The following PCDHGA11 variants were observed in gnomAD, a reference collection of about 807,000 sequenced individuals.
PCDHGA11 encodes protocadherin gamma subfamily A, 11, also known as protocadherin gamma-A11.
In PCDHGA11, 39 loss-of-function variants were observed where a neutral mutation model predicts 60.4. The observed-to-expected ratio is 0.65, with a 90% CI of 0.50 to 0.84. PCDHGA11 has a LOEUF of 0.84. Among genes scored for constraint, PCDHGA11 ranks in the 40% least tolerant of loss-of-function variants. PCDHGA11 has a pLI of 0.00. For synonymous variants in PCDHGA11, 533 were observed against 510.3 expected (o/e 1.04, Z -0.60); for missense variants, 1,165 against 1,197.7 (o/e 0.97, Z 0.40).
intron 1 of PCDHGA11, among the ~76,000 whole-genome samples, chr5:141,450,783 G>A (rs2879228): frequency 0.25 from 37,099 of 150,510 alleles, 4,810 homozygotes; most frequent in Admixed American, 0.32. Flanking sequence ...CACCGTGCCC[G>A]GACCTCATGA....
At chr5:141,433,256 C>G (rs760130587) in intron 1 of PCDHGA11, 2 of 1,385,666 alleles carry the variant, frequency 1.4e-6, no homozygotes, top group Non-Finnish European at 2.0e-6. Context: ...TGCAGCGGTA[C>G]GATCATAGCT....
At position 141,487,488 on chromosome 5, in the gene PCDHGA11, G is replaced by A; in HGVS notation, c.2434-7319G>A. ...GATGTGGGAGGCCACTCTCATGGCT[G>A]TACACCCTTGGCTTCTGCACCCACT... On this transcript the variant is annotated intron_variant, in intron 1 of 3. Transcript: ENST00000398587. This position sits in a 1 kb window ranked among gnomAD's most constrained non-coding sequence, Gnocchi z 5.0. The A allele has an allele frequency of 6.2e-7, 1 of 1,614,204 alleles. No homozygotes were observed. The highest frequency in any genetic ancestry group is 8.5e-7 in the Non-Finnish European group (1 of 1,180,038).
intron 1 of PCDHGA11, among the ~76,000 whole-genome samples, chr5:141,469,923 G>A (rs1251812588): frequency 1.3e-5 from 2 of 152,200 alleles, no homozygotes; most frequent in Non-Finnish European, 2.9e-5. Flanking sequence ...CCGAGGTCAG[G>A]AGTTTGAGAC....
intron 1 of PCDHGA11, among the ~76,000 whole-genome samples, chr5:141,434,692 A>G (rs891952554): frequency 8.5e-5 from 13 of 152,082 alleles, no homozygotes; most frequent in African/African-American, 2.4e-4. Flanking sequence ...CTTGCTGTTA[A>G]TAAATATGTG....
In PCDHGA11 at chr5:141,512,133, G is replaced by A. The variant is rs1394116556; in HGVS notation, c.*960G>A. ...CCACTACATAATAGGGCTCAGCCCA[G>A]GCAGCCAGCTTTGGGCTGAGCTAAC... On this transcript the variant is annotated 3_prime_UTR_variant, in exon 4 of 4. Coordinates refer to ENST00000398587, the MANE Select transcript of PCDHGA11 (RefSeq NM_018914.3). 3 of 152,708 alleles carry A rather than the reference G, an allele frequency of 2.0e-5. No homozygotes were observed. Among genetic ancestry groups the A allele is most frequent in the Non-Finnish European group, 2.9e-5 (2 of 68,102 alleles). 9.5% of individuals were successfully genotyped at this position (152,708 alleles called of 1,614,324 possible).
chr5:141,494,891 C>G, intron 2 of PCDHGA11, 26 bp downstream of exon 2: 1 of 1,614,098 alleles, frequency 6.2e-7, no homozygotes. Flanking sequence ...TCCAGCCCAC[C>G]CTCTTCTCTG....
chr5:141,491,284 A>C lies in PCDHGA11; in HGVS notation c.2434-3523A>C. ...AATGCCCAAATCCAGTGACTTCCTC[A>C]TACACCCTCCTGAGCGTTCAGACCT... On this transcript the variant is annotated intron_variant, in intron 1 of 3. Transcript: ENST00000398587. The surrounding 1 kb of genome is among the most constrained non-coding windows in gnomAD (Gnocchi z 6.9). 1.2e-6 allele frequency: 2 copies of C among 1,614,128 alleles called. No homozygotes were observed. The highest frequency in any genetic ancestry group is 1.7e-6 in the Non-Finnish European group (2 of 1,179,978).
chr5:141,449,537 C>T (rs1377909573), intron 1 of PCDHGA11, among the ~76,000 whole-genome samples: 1 of 146,330 alleles, frequency 6.8e-6, no homozygotes, highest in Non-Finnish European at 1.5e-5. Flanking sequence ...TGCAGTGAGC[C>T]GAGATCGCAC....
chr5:141,499,682 C>T, intron 2 of PCDHGA11, among the ~76,000 whole-genome samples: 1 of 148,196 alleles, frequency 6.7e-6, no homozygotes, highest in South Asian at 2.1e-4. Flanking sequence ...CCATCTTTAA[C>T]AGATGACTTT....
intron 3 of PCDHGA11, chr5:141,508,084 T>A (rs1422530110): frequency 6.6e-6 from 1 of 152,432 alleles, no homozygotes; most frequent in East Asian, 1.9e-4. Flanking sequence ...CTGGAGTTGC[T>A]GCCTTGGCCC....
chr5:141,432,569 C>T lies in PCDHGA11; in HGVS notation c.2433+8909C>T. The T allele has an allele frequency of 6.2e-7, 1 of 1,613,920 alleles. No homozygotes were observed. On this transcript the variant is annotated intron_variant, in intron 1 of 3. Coordinates refer to ENST00000398587, the MANE Select transcript of PCDHGA11 (RefSeq NM_018914.3). This position sits in a 1 kb window ranked among gnomAD's most constrained non-coding sequence, Gnocchi z 6.0. ...CAGAGACTCCGGCCAGAACGCCTGG[C>T]TGTCCTACCGTCTGCTCAAGGCCAG...
At position 141,421,834 on chromosome 5, in the gene PCDHGA11, C is replaced by A; in HGVS notation, c.607C>A (p.Arg203=). The change falls in exon 1 of 4, where the codon CGA becomes AGA. Residue 203 remains arginine (R), a synonymous_variant. Transcript: ENST00000398587. The part of the protein sequence containing the change: ...PELVLEGSLD[R]EKEAAHLLLL... ...GCTAGTACTGGAGGGAAGCCTGGAC[C>A]GAGAGAAAGAGGCTGCTCACCTGCT... 1.2e-6 allele frequency: 2 copies of A among 1,613,748 alleles called. No individual in the cohort carries two copies.
Position 141,489,267 on chromosome 5 carries a change from C to T in PCDHGA11, c.2434-5540C>T, listed in dbSNP as rs370726160. 27 of 1,553,302 alleles carry T rather than the reference C, an allele frequency of 1.7e-5. No individual in the cohort carries two copies. Among genetic ancestry groups the T allele is most frequent in the African/African-American group, 8.2e-5 (6 of 73,324 alleles). ...TGGGGCCCAAGACACTCCCACAGCT[C>T]GCTGGGAAATGGCAAGTGCTGTGCA... On this transcript the variant is annotated intron_variant, in intron 1 of 3. Transcript: ENST00000398587. This position sits in a 1 kb window ranked among gnomAD's most constrained non-coding sequence, Gnocchi z 4.5.
Position 141,510,979 on chromosome 5 carries a change from G to A in PCDHGA11, c.2614G>A (p.Gly872Ser). 6.2e-7 allele frequency: 1 copy of A among 1,614,156 alleles called. No homozygotes were observed. The highest frequency in any genetic ancestry group is 8.5e-7 in the Non-Finnish European group (1 of 1,180,018). Reference sequence around the variant, plus strand: ...TGATGGGAGCTCCACCCTGGGAGGGGGTGCCGGCACCATGGGATTGAGCGC... The same window carrying A: ...TGATGGGAGCTCCACCCTGGGAGGGAGTGCCGGCACCATGGGATTGAGCGC... ...AADGSSTLGG[G>S]AGTMGLSARY... The change falls in exon 4 of 4, where the codon GGT becomes AGT. Residue 872 changes from glycine (G) to serine (S), a missense_variant. Physicochemically the swap from Gly to Ser is moderately conservative, Grantham distance 56. Transcript: ENST00000398587.
rs775290219 is a variant in PCDHGA11 at position 141,423,576 on chromosome 5, G to A, written c.2349G>A (p.Gln783=). The change falls in exon 1 of 4, where the codon CAG becomes CAA. Residue 783 remains glutamine (Q), a synonymous_variant. Transcript: ENST00000398587. ...QPNYGDTLIS[Q]ESCEKSEPLL... ...ACTATGGGGACACGCTCATCAGCCAGGAGAGCTGTGAGAAAAGCGAGCCAC... is the reference window on the plus strand; with the variant it reads ...ACTATGGGGACACGCTCATCAGCCAAGAGAGCTGTGAGAAAAGCGAGCCAC... The A allele has an allele frequency of 1.9e-6, 3 of 1,613,588 alleles. No homozygotes were observed. In the Admixed American group the frequency reaches 5.0e-5, roughly 27 times the overall value.
chr5:141,433,142 G>A, intron 1 of PCDHGA11: 2 of 1,614,108 alleles, frequency 1.2e-6, no homozygotes, highest in African/African-American at 1.3e-5. Flanking sequence ...TTTGCTGTCA[G>A]GTGATTCGGT....
At chr5:141,472,994 A>AAAG (rs2099310386) in intron 1 of PCDHGA11, among the ~76,000 whole-genome samples, 1 of 151,692 alleles carries the variant, frequency 6.6e-6, no homozygotes, top group Non-Finnish European at 1.5e-5. Flanking sequence ...AAAAAAAAAA[A>AAAG]AAAGAAAGAA....
At chr5:141,505,604 G>T (rs772730114) in intron 3 of PCDHGA11, 123 bp downstream of exon 3, 1 of 1,535,418 alleles carries the variant, frequency 6.5e-7, no homozygotes, top group Non-Finnish European at 8.8e-7. Flanking sequence ...CTTTCGGCAG[G>T]TCTGAAAGGA....
At position 141,423,457 on chromosome 5, in the gene PCDHGA11, G is replaced by A. The variant is rs148481587; in HGVS notation, c.2230G>A (p.Val744Met). 6.9e-5 allele frequency: 111 copies of A among 1,614,010 alleles called. 2 individuals carry two copies. The South Asian group carries it at 9.3e-4, about 14-fold the overall frequency. ...AGMPTSHFVG[V>M]DGVQAFLQTY... ...TATGCCCACGTCACATTTTGTAGGC[G>A]TGGACGGGGTACAGGCTTTCCTGCA... The change falls in exon 1 of 4, where the codon GTG becomes ATG. Residue 744 changes from valine (V) to methionine (M), a missense_variant. Val to Met is a conservative substitution (Grantham distance 21). Coordinates refer to ENST00000398587, the MANE Select transcript of PCDHGA11 (RefSeq NM_018914.3).
Sources: gnomAD v4.1 joint callset for allele counts (sites outside exome capture counted in the v4.1 genomes callset) on GRCh38, gnomAD v4.1.1 for gene constraint, Gnocchi (gnomAD v3.1) non-coding constraint, MANE v1.5 for transcripts, NCBI Gene and HGNC (gene_info 2026-07-23, HGNC 2026-07-21) for gene names.